Variants in CALN1 observed in about 807,000 individuals in gnomAD.
The protein encoded by CALN1 is calneuron 1.
A neutral mutation model predicts 30.6 loss-of-function variants in CALN1; 17 were observed. That is an observed-to-expected ratio of 0.56 (90% CI 0.38 to 0.83). CALN1 has a LOEUF of 0.83. CALN1 is among the 40% of genes least tolerant of loss of function. CALN1 has a pLI of 0.00. For missense variants in CALN1, 291 were observed against 354.9 expected (o/e 0.82, Z 1.45); for synonymous variants, 156 against 131.4 (o/e 1.19, Z -1.28).
At chr7:71,919,291 C>T (rs1045412223) in intron 5 of CALN1, among the ~76,000 whole-genome samples, 1 of 152,208 alleles carries the variant, frequency 6.6e-6, no homozygotes, top group East Asian at 1.9e-4. Context: ...AAGGTACAAA[C>T]GTCAAAGCCT....
At chr7:72,041,007 T>G (rs537478971) in intron 4 of CALN1, among the ~76,000 whole-genome samples, 5 of 152,202 alleles carry the variant, frequency 3.3e-5, no homozygotes, top group Middle Eastern at 3.2e-3. Flanking sequence ...TGATGCCATC[T>G]TAGCTTGAGG....
At chr7:72,271,019 C>G (rs1383616281) in intron 3 of CALN1, among the ~76,000 whole-genome samples, 1 of 152,100 alleles carries the variant, frequency 6.6e-6, no homozygotes, top group Non-Finnish European at 1.5e-5. Context: ...ATATATGGGA[C>G]TAAAGATTGT....
At chr7:72,225,565 G>A (rs1289172280) in intron 3 of CALN1, among the ~76,000 whole-genome samples, 3 of 151,984 alleles carry the variant, frequency 2.0e-5, no homozygotes, top group East Asian at 3.9e-4. Context: ...ACACAGCTCG[G>A]TCTCTGAAGA....
At chr7:71,800,443 T>C (rs1787234510) in intron 6 of CALN1, among the ~76,000 whole-genome samples, 1 of 152,114 alleles carries the variant, frequency 6.6e-6, no homozygotes, top group African/African-American at 2.4e-5. Flanking sequence ...TGTCTTGTCT[T>C]TCACAGAAAC....
chr7:71,958,585 C>G (rs190675127), intron 5 of CALN1, among the ~76,000 whole-genome samples: 3 of 152,258 alleles, frequency 2.0e-5, no homozygotes, highest in Non-Finnish European at 4.4e-5. Flanking sequence ...AAGGACTTGC[C>G]TCTCCACCCA....
intron 5 of CALN1, among the ~76,000 whole-genome samples, chr7:71,875,562 A>G (rs1262077669): frequency 1.3e-5 from 2 of 152,162 alleles, no homozygotes; most frequent in Admixed American, 6.5e-5. Context: ...GCAGGAGGTC[A>G]TGGCAGGAAG....
intron 5 of CALN1, among the ~76,000 whole-genome samples, chr7:71,886,571 G>A (rs537937230): frequency 6.6e-6 from 1 of 152,236 alleles, no homozygotes; most frequent in East Asian, 1.9e-4. Flanking sequence ...TCAGGAGTTC[G>A]AGACCAGCCT....
At position 71,883,726 on chromosome 7, in the gene CALN1, C is replaced by T. The variant is rs750703059; in HGVS notation, c.502-73234G>A. Among the ~76,000 whole-genome samples the T allele has an allele frequency of 5.1e-4, 78 of 152,072 alleles. 1 individual carries two copies. Among genetic ancestry groups the T allele is most frequent in the Admixed American group, 4.6e-4 (7 of 15,260 alleles). On this transcript the variant is annotated intron_variant, in intron 5 of 6. Transcript: ENST00000395275. ...TTAGGTCAAACAACCTTGATGTGATCGTATTTCAATTACCTTACCCATCCC... is the reference window on the plus strand; with the variant it reads ...TTAGGTCAAACAACCTTGATGTGATTGTATTTCAATTACCTTACCCATCCC...
the CALN1 span, among the ~76,000 whole-genome samples, chr7:72,487,872 GAA>G: frequency 1.5e-5 from 1 of 65,292 alleles, no homozygotes; most frequent in Non-Finnish European, 2.8e-5. Flanking sequence ...AAGAAAGAAA[GAA>G]AGAAAGAAAG....
intron 2 of CALN1, among the ~76,000 whole-genome samples, chr7:72,289,031 A>G (rs1372599712): frequency 1.3e-5 from 2 of 152,330 alleles, no homozygotes; most frequent in Admixed American, 1.3e-4. Flanking sequence ...CTTTGTCTTA[A>G]AAAGTCTTTA....
At chr7:72,101,147 G>A (rs1806634836) in intron 4 of CALN1, among the ~76,000 whole-genome samples, 1 of 151,914 alleles carries the variant, frequency 6.6e-6, no homozygotes, top group African/African-American at 2.4e-5. Flanking sequence ...TGTATTTTTA[G>A]TAGAGACAGG....
chr7:71,847,760 GAAGAAGAAGAAGA>G (rs1790374149), intron 5 of CALN1, among the ~76,000 whole-genome samples: 2 of 66,202 alleles, frequency 3.0e-5, no homozygotes, highest in African/African-American at 8.0e-5. Context: ...AAAGAAGAAA[GAAGAAGAAGAAGA>G]AAGAAGAAGA....
At chr7:72,149,349 T>A (rs1437797813) in intron 3 of CALN1, among the ~76,000 whole-genome samples, 2 of 151,904 alleles carry the variant, frequency 1.3e-5, no homozygotes, top group Non-Finnish European at 2.9e-5. Flanking sequence ...TCGCCTATAA[T>A]CCCACCTACT....
chr7:72,239,897 T>G (rs577752406), intron 3 of CALN1, among the ~76,000 whole-genome samples: 1 of 152,158 alleles, frequency 6.6e-6, no homozygotes, highest in Non-Finnish European at 1.5e-5. Flanking sequence ...CAGGATAGTC[T>G]TGTACATTGC....
At chr7:71,814,895 G>A (rs942352045) in intron 5 of CALN1, among the ~76,000 whole-genome samples, 55 of 149,904 alleles carry the variant, frequency 3.7e-4, no homozygotes, top group Non-Finnish European at 5.2e-4. Flanking sequence ...GTGCAGTGAC[G>A]CAATCTTGGC....
chr7:71,938,772 A>G (rs1322443776), intron 5 of CALN1, among the ~76,000 whole-genome samples: 4 of 152,150 alleles, frequency 2.6e-5, no homozygotes, highest in Non-Finnish European at 5.9e-5. Context: ...CCTGGGCGAT[A>G]GAACGAAACT....
chr7:72,165,596 C>CAACA lies in CALN1; in HGVS notation c.245-59306_245-59303dup, dbSNP rs546087993. Among the ~76,000 whole-genome samples the CAACA allele has an allele frequency of 4.2e-3, 645 of 151,894 alleles. 22 individuals are homozygous for CAACA. In the South Asian group the frequency reaches 0.084, roughly 20 times the overall value. On this transcript the variant is annotated intron_variant, in intron 3 of 6. Coordinates refer to ENST00000395275, the MANE Select transcript of CALN1 (RefSeq NM_031468.4). Reference sequence around the variant, plus strand: ...GGGCCAAAAACTCTGTCTCCAACAACAACAAACAAACAAACAAGCAAACAA... The same window carrying CAACA: ...GGGCCAAAAACTCTGTCTCCAACAACAACAAACAAACAAACAAACAAGCAAACAA...
At chr7:72,476,498 C>T in the CALN1 span, among the ~76,000 whole-genome samples, 1 of 152,128 alleles carries the variant, frequency 6.6e-6, no homozygotes, top group African/African-American at 2.4e-5. Context: ...ATTGGCAAAG[C>T]CTAGCCTATG....
At chr7:72,014,960 C>A (rs372145091) in intron 5 of CALN1, among the ~76,000 whole-genome samples, 1 of 152,152 alleles carries the variant, frequency 6.6e-6, no homozygotes, top group Non-Finnish European at 1.5e-5. Flanking sequence ...CTGCGTCCAG[C>A]CTTTGTTAGC....
Sources: allele counts gnomAD v4.1 joint callset (sites outside exome capture counted in the v4.1 genomes callset), GRCh38; gene constraint gnomAD v4.1.1; transcripts MANE v1.5; gene names NCBI Gene and HGNC (gene_info 2026-07-23, HGNC 2026-07-21).